Variants in TRIM9 observed in about 807,000 individuals in gnomAD.
TRIM9 encodes the protein tripartite motif containing 9, also known as E3 ubiquitin-protein ligase TRIM9.
TRIM9 carries 26 observed loss-of-function variants against 78.3 expected under a neutral mutation model. The ratio of observed to expected loss-of-function variants is 0.33; its 90% CI spans 0.24 to 0.46. The LOEUF (loss-of-function observed/expected upper bound fraction) is 0.46. Ranked by LOEUF, TRIM9 falls within the 20% of genes least tolerant of loss-of-function variation. The pLI is 1.00. For synonymous variants in TRIM9, 398 were observed against 416.5 expected (o/e 0.96, Z 0.54); for missense variants, 787 against 1,036.4 (o/e 0.76, Z 3.30).
intron 11 of TRIM9, among the ~76,000 whole-genome samples, chr14:50,981,135 A>T (rs2051831394): frequency 6.6e-6 from 1 of 152,236 alleles, no homozygotes; most frequent in Admixed American, 6.5e-5. Flanking sequence ...GAAATCCATT[A>T]TAGTATGTGT....
At chr14:51,038,175 G>T (rs1596240375) in intron 1 of TRIM9, among the ~76,000 whole-genome samples, 2 of 152,232 alleles carry the variant, frequency 1.3e-5, no homozygotes, top group Middle Eastern at 3.4e-3. Flanking sequence ...AAAAGCAGAG[G>T]AACTTTCCTG....
chr14:51,009,700 C>A (rs1050361586), intron 4 of TRIM9, among the ~76,000 whole-genome samples: 1 of 152,196 alleles, frequency 6.6e-6, no homozygotes, highest in South Asian at 2.1e-4. Context: ...AGCACATCAT[C>A]TTCATGTGAT....
rs868784571 is a variant in TRIM9 at position 51,094,652 on chromosome 14, G to A, written c.288C>T (p.Pro96=). The part of the protein sequence containing the change: ...SAPTTPCQKS[P]NGVRVFPPAM... Reference sequence around the variant, plus strand: ...CCGGGGGAAACACGCGGACGCCGTTGGGGGACTTCTGGCACGGGGTAGTGG... The same window carrying A: ...CCGGGGGAAACACGCGGACGCCGTTAGGGGACTTCTGGCACGGGGTAGTGG... The change falls in exon 1 of 13, where the codon CCC becomes CCT. Residue 96 remains proline, a synonymous_variant. Coordinates refer to ENST00000684578, the MANE Select transcript of TRIM9 (RefSeq NM_001387360.1). 13 of 1,602,008 alleles carry A rather than the reference G, an allele frequency of 8.1e-6. No individual in the cohort carries two copies. In the Middle Eastern group the frequency reaches 1.2e-3, roughly 144 times the overall value.
chr14:51,014,524 T>C (rs1351376638), intron 3 of TRIM9, among the ~76,000 whole-genome samples: 2 of 152,190 alleles, frequency 1.3e-5, no homozygotes, highest in Non-Finnish European at 2.9e-5. Context: ...AACTATGGGG[T>C]TCCCAAAGAA....
chr14:51,001,947 G>C (rs1034001931), intron 5 of TRIM9, among the ~76,000 whole-genome samples: 2 of 152,172 alleles, frequency 1.3e-5, no homozygotes, highest in Non-Finnish European at 2.9e-5. Flanking sequence ...ATGCTGTTAC[G>C]AGTCAAAACA....
intron 1 of TRIM9, among the ~76,000 whole-genome samples, chr14:51,079,656 G>A (rs2063122081): frequency 6.6e-6 from 1 of 152,200 alleles, no homozygotes; most frequent in African/African-American, 2.4e-5. Flanking sequence ...TATAATTCAA[G>A]GAACTGTCAG....
chr14:51,078,896 C>T (rs958310348), intron 1 of TRIM9, among the ~76,000 whole-genome samples: 1 of 152,126 alleles, frequency 6.6e-6, no homozygotes, highest in Non-Finnish European at 1.5e-5. Flanking sequence ...ATTTTAGCTG[C>T]TCTTGTCACA....
intron 1 of TRIM9, among the ~76,000 whole-genome samples, chr14:51,064,726 T>G (rs76480595): frequency 0.13 from 20,131 of 151,972 alleles, 1,511 homozygotes; most frequent in Middle Eastern, 0.2. Flanking sequence ...ATTAATAGCT[T>G]TATTACAATG....
chr14:50,982,589 C>CCA, intron 10 of TRIM9: 1 of 335,770 alleles, frequency 3.0e-6, no homozygotes, highest in Non-Finnish European at 5.5e-6. Context: ...TGAAGTCTTC[C>CCA]TCGGCTCTAG....
At chr14:51,001,658 A>G (rs1405951454) in intron 5 of TRIM9, among the ~76,000 whole-genome samples, 1 of 152,070 alleles carries the variant, frequency 6.6e-6, no homozygotes, top group Admixed American at 6.5e-5. Context: ...TTTTTTTTAA[A>G]ACCAGTGATT....
At chr14:50,997,480 C>T in intron 7 of TRIM9, 2 of 985,636 alleles carry the variant, frequency 2.0e-6, no homozygotes, top group Non-Finnish European at 2.4e-6. Context: ...GTGCTGACGG[C>T]CTCCGCTTTG....
At chr14:51,000,996 G>C (rs2139520556) in intron 5 of TRIM9, among the ~76,000 whole-genome samples, 156 bp from the exon 6 acceptor site, 1 of 152,260 alleles carries the variant, frequency 6.6e-6, no homozygotes, top group East Asian at 1.9e-4. Context: ...GTCCCCAGGA[G>C]TCAGACTGGC....
chr14:51,009,814 T>A (rs565006180), intron 4 of TRIM9, among the ~76,000 whole-genome samples: 1 of 151,784 alleles, frequency 6.6e-6, no homozygotes, highest in African/African-American at 2.4e-5. Context: ...GAGATCTACA[T>A]GTTCCTTAAC....
intron 7 of TRIM9, among the ~76,000 whole-genome samples, chr14:50,993,687 C>T (rs80316167): frequency 0.011 from 1,669 of 152,256 alleles, 32 homozygotes; most frequent in African/African-American, 0.039. Flanking sequence ...AGCTACACAG[C>T]GCTGCTTCAT....
chr14:51,089,621 T>C (rs1486608005), intron 1 of TRIM9, among the ~76,000 whole-genome samples: 1 of 152,260 alleles, frequency 6.6e-6, no homozygotes, highest in Non-Finnish European at 1.5e-5. Flanking sequence ...ATCAGCTATT[T>C]CAGCTTACTT....
At chr14:50,984,279 A>G (rs1002255830) in intron 8 of TRIM9, among the ~76,000 whole-genome samples, 6 of 152,226 alleles carry the variant, frequency 3.9e-5, no homozygotes, top group African/African-American at 1.4e-4. Flanking sequence ...TAAGGCCTTT[A>G]TATGCTAATT....
chr14:51,080,138 AT>A (rs969316971), intron 1 of TRIM9, among the ~76,000 whole-genome samples: 4 of 151,052 alleles, frequency 2.6e-5, no homozygotes, highest in African/African-American at 7.3e-5. Context: ...AACATCAACA[AT>A]TTTTTTTTCT....
intron 8 of TRIM9, among the ~76,000 whole-genome samples, chr14:50,983,798 T>C (rs1399137127): frequency 6.6e-6 from 1 of 152,254 alleles, no homozygotes; most frequent in Non-Finnish European, 1.5e-5. Flanking sequence ...AACTCTGCTC[T>C]CACTATTCTA....
At chr14:51,015,899 T>C (rs1306303494) in intron 3 of TRIM9, among the ~76,000 whole-genome samples, 3 of 152,226 alleles carry the variant, frequency 2.0e-5, no homozygotes, top group African/African-American at 7.2e-5. Flanking sequence ...ATTCTTTCTC[T>C]ACTATTTCAA....
Sources: gnomAD v4.1 joint callset for allele counts (sites outside exome capture counted in the v4.1 genomes callset) on GRCh38, gnomAD v4.1.1 for gene constraint, MANE v1.5 for transcripts, NCBI Gene and HGNC (gene_info 2026-07-23, HGNC 2026-07-21) for gene names.